The following CEP63 variants were observed in gnomAD, a reference collection of about 807,000 sequenced individuals.
CEP63 encodes the protein centrosomal protein of 63 kDa.
Under a neutral mutation model 89.1 loss-of-function variants are expected in CEP63, and 84 were observed. The ratio of observed to expected loss-of-function variants is 0.94; its 90% CI spans 0.79 to 1.13. CEP63 has a LOEUF of 1.13. Among genes scored for constraint, CEP63 ranks in the 50% most tolerant of loss-of-function variants. The pLI is 0.00. For missense variants in CEP63, 838 were observed against 813.3 expected, an observed-to-expected ratio of 1.03 and a Z score of -0.37; for synonymous variants, 267 against 272.5, an observed-to-expected ratio of 0.98 and a Z score of 0.20.
At chr3:134,535,467 C>T (rs1429004302) in intron 5 of CEP63, 1 of 151,002 alleles carries the variant, frequency 6.6e-6, no homozygotes, top group East Asian at 2.0e-4. Flanking sequence ...ATTCCTTAAC[C>T]ACCTAGGGTC....
intron 3 of CEP63, among the ~76,000 whole-genome samples, chr3:134,525,359 C>A (rs1948429396): frequency 1.3e-5 from 2 of 152,020 alleles, no homozygotes; most frequent in South Asian, 4.1e-4. Flanking sequence ...TTTTTCATGT[C>A]TCAGTCTCCT....
At chr3:134,634,726 CT>C in the CEP63 span, among the ~76,000 whole-genome samples, 1 of 152,142 alleles carries the variant, frequency 6.6e-6, no homozygotes, top group African/African-American at 2.4e-5. Context: ...ATGGAGAGTA[CT>C]GTTCATGGAA....
rs780522070 is a variant in CEP63 at position 134,562,728 on chromosome 3, G to A, written c.*1193G>A. 2 of 152,406 alleles carry A rather than the reference G, an allele frequency of 1.3e-5. No individual in the cohort carries two copies. The highest frequency in any genetic ancestry group is 2.9e-5 in the Non-Finnish European group (2 of 68,196). The allele number at this position is 152,406 out of a possible 1,614,324, so 9.4% of individuals were successfully genotyped here. On this transcript the variant is annotated 3_prime_UTR_variant, in exon 15 of 15. Transcript: ENST00000675561. ...CTTTCTTGCTCTTGAGTTCACCAGT[G>A]ACCTAATCAGTGTCTGAGCATCATT...
At chr3:134,630,403 G>GT in the CEP63 span, among the ~76,000 whole-genome samples, 50,210 of 152,092 alleles carry the variant, frequency 0.33, 8,619 homozygotes, top group African/African-American at 0.37. Context: ...AATATTTACT[G>GT]TTTTTTCTCT....
At chr3:134,662,283 GA>G in the CEP63 span, among the ~76,000 whole-genome samples, 7 of 146,116 alleles carry the variant, frequency 4.8e-5, no homozygotes, top group East Asian at 2.0e-4. Context: ...TCTCAAAAAA[GA>G]AAAAAAAAAA....
chr3:134,605,682 C>T, the CEP63 span, among the ~76,000 whole-genome samples: 3 of 152,040 alleles, frequency 2.0e-5, no homozygotes, highest in Non-Finnish European at 4.4e-5. Context: ...CCCACTGCCT[C>T]CATTTCCCCT....
At chr3:134,604,577 A>G in the CEP63 span, 2 of 983,850 alleles carry the variant, frequency 2.0e-6, no homozygotes, top group Admixed American at 2.4e-5. Flanking sequence ...GTCCTGACTT[A>G]TAGAGCTTGT....
chr3:134,690,780 GCT>G, the CEP63 span, among the ~76,000 whole-genome samples: 1 of 117,668 alleles, frequency 8.5e-6, no homozygotes, highest in African/African-American at 4.3e-5. Context: ...ATAGAGTCTC[GCT>G]CTGTCACCCA....
At position 134,563,972 on chromosome 3, in the gene CEP63, G is replaced by A. The variant is rs570821916; in HGVS notation, c.*2437G>A. 1.8e-4 allele frequency: 28 copies of A among 152,352 alleles called. No homozygotes were observed. The South Asian group carries it at 5.6e-3, about 30-fold the overall frequency. The allele number at this position is 152,352 out of a possible 1,614,324, so 9.4% of individuals were successfully genotyped here. ...TTTCCCCCTTGCAGACCTGCACTCT[G>A]GCATCCTCTCCTGAGCAAGCCTTCT... On this transcript the variant is annotated 3_prime_UTR_variant, in exon 15 of 15. Coordinates refer to ENST00000675561, the MANE Select transcript of CEP63 (RefSeq NM_001353108.3).
the CEP63 span, among the ~76,000 whole-genome samples, chr3:134,623,558 C>G: frequency 6.6e-6 from 1 of 151,218 alleles, no homozygotes; most frequent in Non-Finnish European, 1.5e-5. Context: ...GTTCCCCCAC[C>G]TTAGGATGCC....
chr3:134,524,670 T>C (rs890390577), intron 3 of CEP63, among the ~76,000 whole-genome samples: 4 of 152,232 alleles, frequency 2.6e-5, no homozygotes, highest in South Asian at 2.1e-4. Flanking sequence ...TCTGTTTATG[T>C]GATGAATCAC....
chr3:134,491,648 AT>A (rs1937579076), intron 1 of CEP63, among the ~76,000 whole-genome samples: 1 of 152,142 alleles, frequency 6.6e-6, no homozygotes. Flanking sequence ...CTAATACCTT[AT>A]TTACTGGTAT....
chr3:134,674,626 G>A, the CEP63 span, among the ~76,000 whole-genome samples: 2,385 of 152,240 alleles, frequency 0.016, 66 homozygotes, highest in African/African-American at 0.055. Flanking sequence ...AAATTGGAAA[G>A]CAAGAAGCAG....
At chr3:134,623,067 G>A in the CEP63 span, among the ~76,000 whole-genome samples, 12 of 152,178 alleles carry the variant, frequency 7.9e-5, no homozygotes, top group South Asian at 2.1e-4. Flanking sequence ...CCAGGGCCCC[G>A]AATGGTACTC....
At chr3:134,589,806 A>G (rs771326262), downstream of CEP63, among the ~76,000 whole-genome samples, 16 of 152,236 alleles carry the variant, frequency 1.1e-4, no homozygotes, top group Non-Finnish European at 2.1e-4. Flanking sequence ...GCGTATGTTC[A>G]TTATAGCACT....
At chr3:134,531,649 TTCACTA>T (rs1949876071) in intron 3 of CEP63, among the ~76,000 whole-genome samples, 190 bp from the exon 4 acceptor site, 1 of 152,204 alleles carries the variant, frequency 6.6e-6, no homozygotes, top group Non-Finnish European at 1.5e-5. Flanking sequence ...TAGCTGTTTG[TTCACTA>T]TTTTTTGGCA....
intron 1 of CEP63, among the ~76,000 whole-genome samples, chr3:134,489,461 C>T (rs555801846): frequency 8.5e-5 from 13 of 152,048 alleles, no homozygotes; most frequent in Non-Finnish European, 1.8e-4. Flanking sequence ...GAGTTGTTTT[C>T]TTTTTTTATG....
chr3:134,635,079 C>T, the CEP63 span, among the ~76,000 whole-genome samples: 2 of 152,342 alleles, frequency 1.3e-5, no homozygotes, highest in East Asian at 1.9e-4. Context: ...AACTTATGTT[C>T]ACACAAAAAC....
chr3:134,520,040 TCAC>T (rs1947101471), intron 3 of CEP63, among the ~76,000 whole-genome samples: 1 of 152,192 alleles, frequency 6.6e-6, no homozygotes, highest in Admixed American at 6.5e-5. Context: ...ATGCCCAGTA[TCAC>T]CACTTTTTTT....
Sources: allele counts gnomAD v4.1 joint callset (sites outside exome capture counted in the v4.1 genomes callset), GRCh38; gene constraint gnomAD v4.1.1; transcripts MANE v1.5; gene names NCBI Gene and HGNC (gene_info 2026-07-23, HGNC 2026-07-21).